The following CA10 variants were observed in gnomAD, a reference collection of about 807,000 sequenced individuals.
CA10 encodes carbonic anhydrase 10 (inactive), also known as carbonic anhydrase-related protein 10.
CA10 carries 14 observed loss-of-function variants against 44.2 expected under a neutral mutation model. That is an observed-to-expected ratio of 0.32 (90% CI 0.21 to 0.50). CA10 has a LOEUF of 0.50. Ranked by LOEUF, CA10 falls within the 20% of genes least tolerant of loss-of-function variation. The pLI is 0.99. For synonymous variants in CA10, 159 were observed against 141.6 expected (o/e 1.12, Z -0.87); for missense variants, 350 against 409.7 (o/e 0.85, Z 1.26).
At chr17:51,730,085 G>C (rs575014171) in intron 4 of CA10, among the ~76,000 whole-genome samples, 27 of 152,354 alleles carry the variant, frequency 1.8e-4, no homozygotes, top group African/African-American at 6.5e-4. Context: ...AGTGGCTCCA[G>C]TGTGGAGGAC....
intron 1 of CA10, among the ~76,000 whole-genome samples, chr17:52,114,927 CCCCTAATGCT>C (rs1988860208): frequency 6.6e-6 from 1 of 152,192 alleles, no homozygotes; most frequent in Non-Finnish European, 1.5e-5. Flanking sequence ...CCACTGGGGC[CCCCTAATGCT>C]ATGCTCTGCC....
intron 4 of CA10, among the ~76,000 whole-genome samples, chr17:51,732,019 G>A (rs1916740596): frequency 6.7e-6 from 1 of 149,620 alleles, no homozygotes; most frequent in Non-Finnish European, 1.5e-5. Flanking sequence ...CTTTGAGGTT[G>A]ACATCATTAT....
chr17:51,889,942 G>A (rs1468282359), intron 3 of CA10, among the ~76,000 whole-genome samples: 1 of 152,118 alleles, frequency 6.6e-6, no homozygotes, highest in Non-Finnish European at 1.5e-5. Context: ...AAAAAGAGTT[G>A]GTGTCTCCCA....
chr17:52,098,149 C>A (rs777339874), intron 1 of CA10, among the ~76,000 whole-genome samples: 12 of 152,138 alleles, frequency 7.9e-5, no homozygotes, highest in Non-Finnish European at 1.6e-4. Flanking sequence ...TCACTTGTGT[C>A]CTGGTTACAG....
At chr17:51,981,606 C>T (rs1349755953) in intron 2 of CA10, among the ~76,000 whole-genome samples, 1 of 151,920 alleles carries the variant, frequency 6.6e-6, no homozygotes, top group Non-Finnish European at 1.5e-5. Flanking sequence ...TAGACATTTA[C>T]ACTTGTCAAA....
chr17:51,954,348 C>A (rs1410429754), intron 2 of CA10, among the ~76,000 whole-genome samples: 1 of 152,108 alleles, frequency 6.6e-6, no homozygotes, highest in Admixed American at 6.6e-5. Flanking sequence ...AAATTTAGCA[C>A]AAGCCAACCA....
chr17:51,664,555 T>C (rs1406999005), intron 4 of CA10, among the ~76,000 whole-genome samples: 1 of 48,626 alleles, frequency 2.1e-5, no homozygotes, highest in South Asian at 6.9e-4. Flanking sequence ...GGATGAAGTA[T>C]ACAAAAAAAA....
rs750013596 is a variant in CA10 at position 51,631,487 on chromosome 17, A to G, written c.*97T>C. On this transcript the variant is annotated 3_prime_UTR_variant, in exon 9 of 9. Coordinates refer to ENST00000451037, the MANE Select transcript of CA10 (RefSeq NM_020178.5). The stretch of plus-strand genomic sequence containing the variant: ...CCCAAGAATGAATGAGGCTTGGGGG[A>G]AAGAAGGAGAGAGAAGCAAGAAGGG... The G allele has an allele frequency of 2.6e-6, 3 of 1,139,378 alleles. No individual in the cohort carries two copies. Among genetic ancestry groups the G allele is most frequent in the Non-Finnish European group, 2.7e-6 (2 of 753,364 alleles). 70.6% of individuals were successfully genotyped at this position (1,139,378 alleles called of 1,614,324 possible).
intron 2 of CA10, among the ~76,000 whole-genome samples, chr17:52,036,403 G>A (rs976700365): frequency 1.8e-4 from 27 of 152,164 alleles, no homozygotes; most frequent in African/African-American, 6.0e-4. Flanking sequence ...CAGTATAGTA[G>A]AAGAAATGAG....
chr17:52,063,157 T>C (rs1263153815), intron 2 of CA10, among the ~76,000 whole-genome samples: 1 of 152,224 alleles, frequency 6.6e-6, no homozygotes, highest in Non-Finnish European at 1.5e-5. Flanking sequence ...CCCTTTCTTT[T>C]GGCCAATTTT....
At chr17:52,067,669 G>A (rs1987572614) in intron 2 of CA10, among the ~76,000 whole-genome samples, 1 of 152,334 alleles carries the variant, frequency 6.6e-6, no homozygotes, top group East Asian at 1.9e-4. Flanking sequence ...GCAGCTGGGA[G>A]GTGGACTGTA....
chr17:51,640,089 C>A (rs1266402230), intron 6 of CA10, among the ~76,000 whole-genome samples: 2 of 152,144 alleles, frequency 1.3e-5, no homozygotes, highest in Non-Finnish European at 2.9e-5. Context: ...TCATTATTTG[C>A]CTATTTGACT....
At chr17:51,642,354 G>A (rs1251131719) in intron 6 of CA10, among the ~76,000 whole-genome samples, 1 of 152,196 alleles carries the variant, frequency 6.6e-6, no homozygotes, top group East Asian at 1.9e-4. Context: ...TTAACACCAC[G>A]TCCCTCTGAG....
At chr17:51,943,275 T>C (rs1194362360) in intron 2 of CA10, among the ~76,000 whole-genome samples, 4 of 152,198 alleles carry the variant, frequency 2.6e-5, no homozygotes, top group Admixed American at 6.5e-5. Flanking sequence ...AGAGGATTCC[T>C]ACTTAATTAT....
Position 51,653,652 on chromosome 17 carries a change from T to A in CA10, c.550A>T (p.Ile184Leu). The change falls in exon 5 of 9, where the codon ATA becomes TTA. Residue 184 changes from isoleucine (I) to leucine (L), a missense_variant. By Grantham distance (5) the Ile-to-Leu change is conservative. Coordinates refer to ENST00000451037, the MANE Select transcript of CA10 (RefSeq NM_020178.5). ...KSPNGLVVVS[I>L]FIKVSDSSNP... ...TGCAAGAGACTTACTTTTATAAATA[T>A]AGAAACTACCACCAATCCATTTGGA... 1 of 1,569,218 alleles carries A rather than the reference T, an allele frequency of 6.4e-7. No homozygotes were observed.
chr17:52,051,444 C>T (rs1459206595), intron 2 of CA10, among the ~76,000 whole-genome samples: 3 of 149,140 alleles, frequency 2.0e-5, no homozygotes, highest in Non-Finnish European at 4.5e-5. Context: ...AACTTAAATT[C>T]ACAAGAAAAA....
chr17:52,111,325 T>C (rs1756070651), intron 1 of CA10, among the ~76,000 whole-genome samples: 1 of 152,256 alleles, frequency 6.6e-6, no homozygotes, highest in Admixed American at 6.5e-5. Flanking sequence ...TACTTGTAAG[T>C]GCATGAATTA....
At chr17:51,750,063 C>T (rs919070488) in intron 3 of CA10, among the ~76,000 whole-genome samples, 4 of 152,112 alleles carry the variant, frequency 2.6e-5, no homozygotes, top group African/African-American at 9.7e-5. Flanking sequence ...TTTCATTTCC[C>T]ATAACTTCCT....
At chr17:52,087,943 A>G (rs1454544572) in intron 1 of CA10, among the ~76,000 whole-genome samples, 1 of 152,192 alleles carries the variant, frequency 6.6e-6, no homozygotes, top group East Asian at 1.9e-4. Flanking sequence ...AAAGGATTTT[A>G]AAAGGAGCTG....
Sources: allele counts gnomAD v4.1 joint callset (sites outside exome capture counted in the v4.1 genomes callset), GRCh38; gene constraint gnomAD v4.1.1; transcripts MANE v1.5; gene names NCBI Gene and HGNC (gene_info 2026-07-23, HGNC 2026-07-21).